The following CNTNAP5 variants were observed in gnomAD, a reference collection of about 807,000 sequenced individuals.
CNTNAP5 encodes the protein contactin-associated protein-like 5.
A neutral mutation model predicts 150.2 loss-of-function variants in CNTNAP5; 72 were observed. The observed-to-expected ratio is 0.48, with a 90% CI of 0.40 to 0.58. The LOEUF is 0.58. Ranked by LOEUF, CNTNAP5 falls within the 20% of genes least tolerant of loss-of-function variation. The probability of loss-of-function intolerance (pLI) is 0.00; values close to 1 mark genes in which losing one functional copy is unlikely to be tolerated. For synonymous variants in CNTNAP5, 672 were observed against 619.8 expected (o/e 1.08, Z -1.25); for missense variants, 1,636 against 1,626.2 (o/e 1.01, Z -0.10).
chr2:124,446,953 T>C lies in CNTNAP5; in HGVS notation c.918+16T>C. The C allele has an allele frequency of 6.2e-7, 1 of 1,607,544 alleles. No individual in the cohort carries two copies. Among genetic ancestry groups the C allele is most frequent in the Non-Finnish European group, 8.5e-7 (1 of 1,175,368 alleles). The stretch of plus-strand genomic sequence containing the variant: ...TGACTATGAGGTGAGTTGATCCTCC[T>C]TCCTGCACCTCCTCGGCCCCTTGCT... On this transcript the variant is annotated intron_variant, in intron 6 of 23. Coordinates refer to ENST00000682447, the MANE Select transcript of CNTNAP5 (RefSeq NM_001367498.1).
chr2:124,248,286 T>G (rs773710519), intron 3 of CNTNAP5, among the ~76,000 whole-genome samples: 2 of 152,150 alleles, frequency 1.3e-5, no homozygotes, highest in Non-Finnish European at 2.9e-5. Flanking sequence ...TCCTCCACAT[T>G]TCCTTGCTCA....
At chr2:124,407,981 C>A (rs1312572712) in intron 3 of CNTNAP5, among the ~76,000 whole-genome samples, 2 of 152,220 alleles carry the variant, frequency 1.3e-5, no homozygotes, top group African/African-American at 4.8e-5. Context: ...CTGGGTTCAT[C>A]TCACTAGGGA....
chr2:124,340,559 G>A (rs1050483090), intron 3 of CNTNAP5, among the ~76,000 whole-genome samples: 3 of 151,946 alleles, frequency 2.0e-5, no homozygotes, highest in Admixed American at 6.6e-5. Flanking sequence ...GTAAAGGGTA[G>A]AACTTCACTG....
intron 7 of CNTNAP5, among the ~76,000 whole-genome samples, chr2:124,478,511 C>T (rs1693693848): frequency 6.6e-6 from 1 of 152,124 alleles, no homozygotes; most frequent in Admixed American, 6.6e-5. Flanking sequence ...TATCACTATA[C>T]ACTTGCACAT....
intron 5 of CNTNAP5, among the ~76,000 whole-genome samples, chr2:124,439,001 C>A (rs979076616): frequency 1.3e-5 from 2 of 152,096 alleles, no homozygotes; most frequent in Non-Finnish European, 1.5e-5. Flanking sequence ...TACCCCAATT[C>A]TCTGACATTA....
intron 8 of CNTNAP5, among the ~76,000 whole-genome samples, chr2:124,520,691 C>G (rs1694829225): frequency 1.3e-5 from 2 of 152,176 alleles, no homozygotes; most frequent in South Asian, 4.1e-4. Context: ...CCATATTGGC[C>G]CTCAATATCC....
At chr2:124,548,716 T>A (rs567569034) in intron 10 of CNTNAP5, among the ~76,000 whole-genome samples, 67 of 152,244 alleles carry the variant, frequency 4.4e-4, no homozygotes, top group African/African-American at 1.5e-3. Flanking sequence ...TCTGCAAGTA[T>A]AAGTGACAAA....
At chr2:124,314,133 G>C (rs1193242257) in intron 3 of CNTNAP5, among the ~76,000 whole-genome samples, 1 of 152,172 alleles carries the variant, frequency 6.6e-6, no homozygotes, top group Non-Finnish European at 1.5e-5. Flanking sequence ...GGAATAATGC[G>C]ATAATGATGC....
At chr2:124,458,203 TATATATATATA>T (rs1471489584) in intron 6 of CNTNAP5, among the ~76,000 whole-genome samples, 1 of 133,344 alleles carries the variant, frequency 7.5e-6, no homozygotes, top group Non-Finnish European at 1.6e-5. Context: ...GAAACTAATA[TATATATATATA>T]ATATATATAA....
intron 11 of CNTNAP5, among the ~76,000 whole-genome samples, chr2:124,602,129 C>A (rs12711684): frequency 6.6e-6 from 1 of 151,662 alleles, no homozygotes; most frequent in Admixed American, 6.6e-5. Flanking sequence ...TGGATCACGA[C>A]GTCAGGAGTT....
intron 17 of CNTNAP5, among the ~76,000 whole-genome samples, chr2:124,780,876 T>G (rs764557582): frequency 2.0e-5 from 3 of 152,250 alleles, no homozygotes; most frequent in Non-Finnish European, 4.4e-5. Context: ...GAGAATAAAG[T>G]GCAGCAAAAA....
intron 11 of CNTNAP5, among the ~76,000 whole-genome samples, chr2:124,588,180 CTTTCTTTCTTTCTTT>C (rs1696592225): frequency 9.3e-6 from 1 of 107,266 alleles, no homozygotes; most frequent in African/African-American, 3.5e-5. Flanking sequence ...TTCCTTCCTT[CTTTCTTTCTTTCTTT>C]CTTTCTTTCT....
intron 21 of CNTNAP5, among the ~76,000 whole-genome samples, chr2:124,895,461 C>A (rs982288368): frequency 2.6e-5 from 4 of 151,364 alleles, no homozygotes; most frequent in Admixed American, 2.6e-4. Flanking sequence ...CCTTTCTCCA[C>A]AACAAATTTT....
rs532042811 is a variant in CNTNAP5, at chr2:124,083,417, T to G, written c.82+57685T>G. 1.4e-4 allele frequency among the ~76,000 whole-genome samples: 21 copies of G among 152,326 alleles called. No individual in the cohort carries two copies. In the South Asian group the frequency reaches 4.3e-3, roughly 32 times the overall value. On this transcript the variant is annotated intron_variant, in intron 1 of 23. Coordinates refer to ENST00000682447, the MANE Select transcript of CNTNAP5 (RefSeq NM_001367498.1). ...CTCTCATTCTGTAACTTGTTTTTCA[T>G]TCCCATGTTTAGGGTCTTTTGTAGA...
intron 1 of CNTNAP5, among the ~76,000 whole-genome samples, chr2:124,189,882 C>T (rs534625199): frequency 5.3e-5 from 8 of 152,180 alleles, no homozygotes; most frequent in East Asian, 1.9e-4. Flanking sequence ...ATCAACCCCT[C>T]GGAAAGATGG....
rs1351663856 is a variant in CNTNAP5 at position 124,264,070 on chromosome 2, G to A, written c.381+21677G>A. Among the ~76,000 whole-genome samples the A allele has an allele frequency of 4.6e-5, 7 of 151,922 alleles. No individual in the cohort carries two copies. The East Asian group carries it at 1.2e-3, about 25-fold the overall frequency. On this transcript the variant is annotated intron_variant, in intron 3 of 23. Transcript: ENST00000682447. ...ACTGTAATAATGGTTTACATTATTAGCTACTGGTTATTTTTGCTATATGTA... is the reference window on the plus strand; with the variant it reads ...ACTGTAATAATGGTTTACATTATTAACTACTGGTTATTTTTGCTATATGTA...
intron 21 of CNTNAP5, among the ~76,000 whole-genome samples, chr2:124,892,889 G>C (rs193059962): frequency 1.3e-5 from 2 of 152,158 alleles, no homozygotes; most frequent in Middle Eastern, 3.4e-3. Context: ...TAAATATGCT[G>C]TCTTGAAGAA....
intron 10 of CNTNAP5, among the ~76,000 whole-genome samples, chr2:124,528,533 C>CT (rs761234899): frequency 1.3e-5 from 2 of 152,100 alleles, no homozygotes; most frequent in Non-Finnish European, 2.9e-5. Flanking sequence ...TTTGAAATCT[C>CT]TAATAGTTGA....
intron 1 of CNTNAP5, among the ~76,000 whole-genome samples, chr2:124,041,493 C>T (rs1367443987): frequency 6.6e-6 from 1 of 152,174 alleles, no homozygotes; most frequent in Non-Finnish European, 1.5e-5. Flanking sequence ...TGTATAGGCA[C>T]ACATCCTACA....
Sources: gnomAD v4.1 joint callset for allele counts (sites outside exome capture counted in the v4.1 genomes callset) on GRCh38, gnomAD v4.1.1 for gene constraint, MANE v1.5 for transcripts, NCBI Gene and HGNC (gene_info 2026-07-23, HGNC 2026-07-21) for gene names.